TMEM135: variants seen among roughly 807,000 people sequenced by gnomAD.
TMEM135 encodes the protein transmembrane protein 135.
A neutral mutation model predicts 60.3 loss-of-function variants in TMEM135; 30 were observed. The observed-to-expected ratio is 0.50, with a 90% CI of 0.37 to 0.68. The LOEUF (loss-of-function observed/expected upper bound fraction) is 0.68, where lower values mean the gene tolerates loss of function less well. Ranked by LOEUF, TMEM135 falls within the 30% of genes least tolerant of loss-of-function variation. The probability of loss-of-function intolerance (pLI) is 0.00; values close to 1 mark genes in which losing one functional copy is unlikely to be tolerated. For synonymous variants in TMEM135, 190 were observed against 186.7 expected (o/e 1.02, Z -0.14); for missense variants, 468 against 548.8 (o/e 0.85, Z 1.47).
At chr11:87,223,667 GCA>G (rs113588295) in intron 5 of TMEM135, among the ~76,000 whole-genome samples, 4,950 of 117,874 alleles carry the variant, frequency 0.042, 97 homozygotes, top group Middle Eastern at 0.068. Context: ...GCACATGCAC[GCA>G]CACACACACA....
intron 12 of TMEM135, among the ~76,000 whole-genome samples, chr11:87,314,951 A>G (rs977125787): frequency 6.6e-6 from 1 of 151,898 alleles, no homozygotes; most frequent in Non-Finnish European, 1.5e-5. Flanking sequence ...AAACAAATCA[A>G]CAATACCACA....
chr11:87,245,009 C>T (rs922809516), intron 6 of TMEM135, among the ~76,000 whole-genome samples: 8 of 151,036 alleles, frequency 5.3e-5, no homozygotes, highest in East Asian at 1.9e-4. Flanking sequence ...TTTCCCTCTG[C>T]GCAGTGCTTT....
rs1480798570 is a variant in TMEM135 at position 87,049,547 on chromosome 11, C to A, written c.141+11361C>A. ...TCTGATAAAACAGACTTTAAACCAA[C>A]AAAGATCAAAAGAGACAAAGAAGGC... On this transcript the variant is annotated intron_variant, in intron 1 of 14. Coordinates refer to ENST00000305494, the MANE Select transcript of TMEM135 (RefSeq NM_022918.4). Among the ~76,000 whole-genome samples the A allele has an allele frequency of 2.4e-5, 3 of 126,378 alleles. No homozygotes were observed. In the East Asian group the frequency reaches 6.6e-4, roughly 28 times the overall value. 82.9% of individuals were successfully genotyped at this position (126,378 alleles called of 152,430 possible).
intron 5 of TMEM135, among the ~76,000 whole-genome samples, chr11:87,193,249 T>G (rs994178671): frequency 6.6e-6 from 1 of 152,122 alleles, no homozygotes; most frequent in Non-Finnish European, 1.5e-5. Flanking sequence ...GTCTAGCAGA[T>G]TCTAAGTGGG....
At chr11:87,049,546 A>G (rs1949823196) in intron 1 of TMEM135, among the ~76,000 whole-genome samples, 2 of 126,926 alleles carry the variant, frequency 1.6e-5, no homozygotes, top group Admixed American at 1.6e-4. Context: ...CTTTAAACCA[A>G]CAAAGATCAA....
intron 3 of TMEM135, among the ~76,000 whole-genome samples, chr11:87,076,340 G>C (rs1856872200): frequency 6.6e-6 from 1 of 152,190 alleles, no homozygotes; most frequent in Non-Finnish European, 1.5e-5. Context: ...GCAGGCTTCT[G>C]ACTGGCCACT....
At chr11:87,206,109 A>G (rs1348596112) in intron 5 of TMEM135, among the ~76,000 whole-genome samples, 1 of 152,204 alleles carries the variant, frequency 6.6e-6, no homozygotes, top group African/African-American at 2.4e-5. Context: ...ATGTTTATTG[A>G]AACCCAACTT....
intron 5 of TMEM135, among the ~76,000 whole-genome samples, chr11:87,218,967 A>G (rs2135351571): frequency 6.6e-6 from 1 of 152,274 alleles, no homozygotes; most frequent in Admixed American, 6.5e-5. Context: ...GTCTCAAAAA[A>G]CTGTGCCGTA....
intron 6 of TMEM135, among the ~76,000 whole-genome samples, chr11:87,247,810 A>G (rs1181412441): frequency 3.9e-5 from 6 of 152,016 alleles, no homozygotes; most frequent in African/African-American, 1.4e-4. Context: ...GTGCTTCCCA[A>G]GTGAGGCAAT....
Position 87,324,280 on chromosome 11 carries a change from C to T in TMEM135, c.*2947C>T. The T allele has an allele frequency of 2.2e-6, 1 of 454,066 alleles. No homozygotes were observed. The highest frequency in any genetic ancestry group is 4.4e-6 in the Non-Finnish European group (1 of 226,780). The allele number at this position is 454,066 out of a possible 1,614,324, so 28.1% of individuals were successfully genotyped here. The stretch of plus-strand genomic sequence containing the variant: ...CTCTCAGGGAGCTTCGTCCACTTGC[C>T]TGTGTCACAACCTCTCCCTTGGTGC... On this transcript the variant is annotated 3_prime_UTR_variant, in exon 15 of 15. Transcript: ENST00000305494.
At chr11:87,205,464 A>C (rs923305858) in intron 5 of TMEM135, among the ~76,000 whole-genome samples, 36 of 152,324 alleles carry the variant, frequency 2.4e-4, no homozygotes, top group African/African-American at 8.2e-4. Flanking sequence ...GTAGTAATCC[A>C]GATATTGATG....
chr11:87,309,964 A>G (rs550196631), intron 10 of TMEM135, among the ~76,000 whole-genome samples: 2 of 152,284 alleles, frequency 1.3e-5, no homozygotes, highest in South Asian at 4.1e-4. Flanking sequence ...GAAAATATGA[A>G]TTTTTTGGAT....
intron 4 of TMEM135, among the ~76,000 whole-genome samples, chr11:87,126,965 C>A (rs1438774579): frequency 6.6e-6 from 1 of 152,080 alleles, no homozygotes; most frequent in Non-Finnish European, 1.5e-5. Flanking sequence ...CTGTTACATC[C>A]TTTTCAAGAA....
At chr11:87,115,864 C>A in intron 4 of TMEM135, among the ~76,000 whole-genome samples, 1 of 151,864 alleles carries the variant, frequency 6.6e-6, no homozygotes, top group Non-Finnish European at 1.5e-5. Flanking sequence ...CAAGAAGATC[C>A]TAGGGAAACT....
Position 87,192,128 on chromosome 11 carries a change from T to A in TMEM135, c.462+34722T>A, listed in dbSNP as rs577358383. ...TCCCGAGTAGCTGGGACTACAGGCA[T>A]GTGCCACCGTGCCCAGCTAATTTTT... is the stretch of plus-strand genomic sequence containing the variant. On this transcript the variant is annotated intron_variant, in intron 5 of 14. Coordinates refer to ENST00000305494, the MANE Select transcript of TMEM135 (RefSeq NM_022918.4). 2.0e-5 allele frequency among the ~76,000 whole-genome samples: 3 copies of A among 150,928 alleles called. No homozygotes were observed. The East Asian group carries it at 5.9e-4, about 30-fold the overall frequency.
chr11:87,183,925 C>G (rs1235978662), intron 5 of TMEM135, among the ~76,000 whole-genome samples: 1 of 124,002 alleles, frequency 8.1e-6, no homozygotes, highest in Non-Finnish European at 1.6e-5. Flanking sequence ...CATCACACTC[C>G]AACTTGGGCA....
chr11:87,235,813 T>G (rs1332105492), intron 5 of TMEM135, among the ~76,000 whole-genome samples: 2 of 152,010 alleles, frequency 1.3e-5, no homozygotes, highest in Non-Finnish European at 2.9e-5. Context: ...TCCTTCAACA[T>G]ACCATCTTAA....
intron 6 of TMEM135, among the ~76,000 whole-genome samples, chr11:87,247,993 T>C (rs2135387527): frequency 6.7e-6 from 1 of 149,334 alleles, no homozygotes; most frequent in Non-Finnish European, 1.5e-5. Context: ...TATTCAGCCA[T>C]CTTGGCTGCC....
intron 5 of TMEM135, among the ~76,000 whole-genome samples, chr11:87,220,846 C>G (rs1028338745): frequency 6.6e-6 from 1 of 152,032 alleles, no homozygotes; most frequent in Non-Finnish European, 1.5e-5. Flanking sequence ...TCCAATATGT[C>G]TATATGTTTA....
Sources: allele counts gnomAD v4.1 joint callset (sites outside exome capture counted in the v4.1 genomes callset), GRCh38; gene constraint gnomAD v4.1.1; transcripts MANE v1.5; gene names NCBI Gene and HGNC (gene_info 2026-07-23, HGNC 2026-07-21).